The following SEL1L variants were observed in gnomAD, a reference collection of about 807,000 sequenced individuals.
SEL1L encodes the protein protein sel-1 homolog 1.
Under a neutral mutation model 109.8 loss-of-function variants are expected in SEL1L, and 52 were observed. The ratio of observed to expected loss-of-function variants is 0.47; its 90% CI spans 0.38 to 0.60. The LOEUF (loss-of-function observed/expected upper bound fraction) is 0.60. SEL1L is among the 20% of genes least tolerant of loss of function. The pLI is 0.00. For synonymous variants in SEL1L, 373 were observed against 339.6 expected (o/e 1.10, Z -1.08); for missense variants, 749 against 962.2 (o/e 0.78, Z 2.93).
rs536675272 is a variant in SEL1L, at chr14:81,512,854, G to C, written c.341-6613C>G. On this transcript the variant is annotated intron_variant, in intron 3 of 20. Coordinates refer to ENST00000336735, the MANE Select transcript of SEL1L (RefSeq NM_005065.6). ...TTCATGATCAACAAATGTTTATTGA[G>C]ATGATATGCAGAAAACAGTTAACAC... 1.2e-4 allele frequency among the ~76,000 whole-genome samples: 18 copies of C among 152,314 alleles called. No individual in the cohort carries two copies. The South Asian group carries it at 3.5e-3, about 30-fold the overall frequency.
chr14:81,523,676 G>A (rs1189016396), intron 3 of SEL1L, among the ~76,000 whole-genome samples: 2 of 152,022 alleles, frequency 1.3e-5, no homozygotes, highest in African/African-American at 2.4e-5. Flanking sequence ...CTCAAGTAGC[G>A]GGGACTGGTC....
At position 81,532,836 on chromosome 14, in the gene SEL1L, A is replaced by G. The variant is rs570330212; in HGVS notation, c.70+839T>C. ...GTTAACTGAAACTGATTAAAATTCC[A>G]AAGTTTTACTGTACTAATTTTTATT... On this transcript the variant is annotated intron_variant, in intron 1 of 20. Transcript: ENST00000336735. 4.9e-4 allele frequency among the ~76,000 whole-genome samples: 74 copies of G among 152,344 alleles called. 2 individuals carry two copies. The highest frequency in any genetic ancestry group is 3.4e-3 in the Middle Eastern group (1 of 294).
chr14:81,479,887 T>C (rs1422695296), intron 19 of SEL1L, 147 bp from the exon 20 acceptor site: 1 of 725,210 alleles, frequency 1.4e-6, no homozygotes, highest in Non-Finnish European at 2.2e-6. Context: ...CAAGCTTTAC[T>C]TGGGTAAAAT....
intron 3 of SEL1L, among the ~76,000 whole-genome samples, chr14:81,515,628 A>G (rs781466447): frequency 5.3e-5 from 8 of 152,230 alleles, no homozygotes; most frequent in Non-Finnish European, 1.0e-4. Context: ...GAATTATTCA[A>G]TGATGTCCAC....
chr14:81,474,164 A>T lies in SEL1L; in HGVS notation c.*2808T>A, dbSNP rs1903088169. 1 of 151,958 alleles carries T rather than the reference A, an allele frequency of 6.6e-6. No individual in the cohort carries two copies. The highest frequency in any genetic ancestry group is 2.1e-4 in the South Asian group (1 of 4,826). The allele number at this position is 151,958 out of a possible 1,614,324, so 9.4% of individuals were successfully genotyped here. On this transcript the variant is annotated 3_prime_UTR_variant, in exon 21 of 21. Transcript: ENST00000336735. Reference sequence around the variant, plus strand: ...TTTGAAAAGAAGTCATCTTTGATTTACTTTTTCTTTGCCATTGACTGCTAA... The same window carrying T: ...TTTGAAAAGAAGTCATCTTTGATTTTCTTTTTCTTTGCCATTGACTGCTAA...
intron 11 of SEL1L, among the ~76,000 whole-genome samples, chr14:81,494,529 T>G (rs1170864646): frequency 6.6e-6 from 1 of 152,214 alleles, no homozygotes; most frequent in Non-Finnish European, 1.5e-5. Flanking sequence ...TTAATCTCAG[T>G]TCTGTTTCAT....
rs1359804148 is a variant in SEL1L at position 81,471,584 on chromosome 14, TTCAGTTA to T, written c.*5381_*5387del. 1.3e-5 allele frequency: 2 copies of T among 152,154 alleles called. No individual in the cohort carries two copies. Among genetic ancestry groups the T allele is most frequent in the African/African-American group, 4.8e-5 (2 of 41,438 alleles). 9.4% of individuals were successfully genotyped at this position (152,154 alleles called of 1,614,324 possible). A position where few individuals can be genotyped will look rare whatever the true frequency, so the allele number is the denominator to read the frequency against. ...AAATTATTTATATGAACATTCCAAA[TTCAGTTA>T]ACTAACCACATTCCACTCAACTTAC... On this transcript the variant is annotated 3_prime_UTR_variant, in exon 21 of 21. Coordinates refer to ENST00000336735, the MANE Select transcript of SEL1L (RefSeq NM_005065.6).
intron 3 of SEL1L, among the ~76,000 whole-genome samples, chr14:81,510,500 C>CTATA (rs1254798414): frequency 4.8e-5 from 6 of 126,306 alleles, no homozygotes; most frequent in Non-Finnish European, 1.0e-4. Context: ...CTCTCTCTCT[C>CTATA]TCTCTCTCTC....
Position 81,471,740 on chromosome 14 carries a change from C to A in SEL1L, c.*5232G>T, listed in dbSNP as rs548183539. ...TTGGCCTCTAGGGAAAATCAGAGTT[C>A]TACTCAAAATATAATACTACCAATA... is the stretch of plus-strand genomic sequence containing the variant. On this transcript the variant is annotated 3_prime_UTR_variant, in exon 21 of 21. Transcript: ENST00000336735. 2.0e-5 allele frequency: 3 copies of A among 152,234 alleles called. No individual in the cohort carries two copies. Among genetic ancestry groups the A allele is most frequent in the African/African-American group, 7.2e-5 (3 of 41,526 alleles). The allele number at this position is 152,234 out of a possible 1,614,324, so 9.4% of individuals were successfully genotyped here. A position where few individuals can be genotyped will look rare whatever the true frequency, so the allele number is the denominator to read the frequency against.
chr14:81,480,338 T>C (rs1048133447), intron 19 of SEL1L, among the ~76,000 whole-genome samples: 4 of 152,158 alleles, frequency 2.6e-5, no homozygotes, highest in Non-Finnish European at 5.9e-5. Flanking sequence ...TACAGGTGCC[T>C]GCCACCTCGC....
intron 19 of SEL1L, among the ~76,000 whole-genome samples, chr14:81,481,848 T>C (rs141914811): frequency 0.077 from 11,740 of 152,004 alleles, 1,418 homozygotes; most frequent in African/African-American, 0.26. Context: ...CTGGCCAAGA[T>C]GGTGAAACCC....
chr14:81,506,179 C>A lies in SEL1L; in HGVS notation c.403G>T (p.Asp135Tyr). 6.2e-7 allele frequency: 1 copy of A among 1,613,774 alleles called. No individual in the cohort carries two copies. The highest frequency in any genetic ancestry group is 8.5e-7 in the Non-Finnish European group (1 of 1,179,850). Residue 135 changes from aspartate to tyrosine, a missense_variant, in exon 4 of 21, where the codon GAT becomes TAT. Physicochemically the swap from Asp to Tyr is radical, Grantham distance 160 (BLOSUM62 -3). Coordinates refer to ENST00000336735, the MANE Select transcript of SEL1L (RefSeq NM_005065.6). ...GATGTACATTCATCATACTCCTTAT[C>A]TAGGAAAAGAAAAGGGAAGTGGCAG... is the stretch of plus-strand genomic sequence containing the variant. ...EPCHFPFLFLDKEYDECTSDG... is the reference protein window; with the variant it reads ...EPCHFPFLFLYKEYDECTSDG...
At chr14:81,512,234 G>A (rs1480859779) in intron 3 of SEL1L, among the ~76,000 whole-genome samples, 1 of 152,208 alleles carries the variant, frequency 6.6e-6, no homozygotes, top group Non-Finnish European at 1.5e-5. Flanking sequence ...GAAGGACTGA[G>A]CAGAATGAAG....
At chr14:81,492,185 G>A (rs920170381) in intron 12 of SEL1L, among the ~76,000 whole-genome samples, 2 of 151,910 alleles carry the variant, frequency 1.3e-5, no homozygotes, top group Non-Finnish European at 2.9e-5. Context: ...TACAGATGGG[G>A]TTTCACCGTG....
rs1296201846 is a variant in SEL1L at position 81,476,419 on chromosome 14, G to GTC, written c.*551_*552dup. ...TTAAAATAACAAATATGCTGAATAT[G>GTC]TCTAATTGCATGTGGACTGGTAAGA... On this transcript the variant is annotated 3_prime_UTR_variant, in exon 21 of 21. Transcript: ENST00000336735. The GTC allele has an allele frequency of 2.0e-5, 3 of 152,326 alleles. No homozygotes were observed. The highest frequency in any genetic ancestry group is 4.4e-5 in the Non-Finnish European group (3 of 68,414). 9.4% of individuals were successfully genotyped at this position (152,326 alleles called of 1,614,324 possible). A position where few individuals can be genotyped will look rare whatever the true frequency, so the allele number is the denominator to read the frequency against.
intron 19 of SEL1L, among the ~76,000 whole-genome samples, chr14:81,480,897 C>A (rs980584915): frequency 7.2e-5 from 11 of 152,086 alleles, no homozygotes; most frequent in African/African-American, 2.2e-4. Context: ...CCCTTATCTA[C>A]CCCACTCTTT....
rs370715868 is a variant in SEL1L at position 81,485,751 on chromosome 14, A to G, written c.1799-5T>C. ...CACCTACAATGCTTGCTTCTCCTAC[A>G]GGAAAAGAAATGAAATACAAATCAG... On this transcript the variant is annotated splice_polypyrimidine_tract_variant and splice_region_variant and intron_variant, in intron 17 of 20. Transcript: ENST00000336735. The G allele has an allele frequency of 1.4e-5, 22 of 1,613,048 alleles. No individual in the cohort carries two copies. The Admixed American group carries it at 3.2e-4, about 23-fold the overall frequency.
At chr14:81,490,329 C>T in intron 13 of SEL1L, 59 bp downstream of exon 13, 1 of 1,277,178 alleles carries the variant, frequency 7.8e-7, no homozygotes, top group Non-Finnish European at 1.1e-6. Flanking sequence ...ATAACAAATT[C>T]ATTTATTAAA....
At chr14:81,516,414 CTT>C (rs1428230736) in intron 3 of SEL1L, among the ~76,000 whole-genome samples, 1 of 152,180 alleles carries the variant, frequency 6.6e-6, no homozygotes, top group Non-Finnish European at 1.5e-5. Flanking sequence ...TTTCACATGC[CTT>C]TGTTATGCCT....
Sources: allele counts gnomAD v4.1 joint callset (sites outside exome capture counted in the v4.1 genomes callset), GRCh38; gene constraint gnomAD v4.1.1; transcripts MANE v1.5; gene names NCBI Gene and HGNC (gene_info 2026-07-23, HGNC 2026-07-21).